CNTN5: variants seen among roughly 807,000 people sequenced by gnomAD.
The protein encoded by CNTN5 is contactin-5.
A neutral mutation model predicts 129.1 loss-of-function variants in CNTN5; 77 were observed. The observed-to-expected ratio is 0.60, with a 90% CI of 0.50 to 0.72. The LOEUF (loss-of-function observed/expected upper bound fraction) is 0.72. Among genes scored for constraint, CNTN5 ranks in the 30% least tolerant of loss-of-function variants. The pLI is 0.00. For missense variants in CNTN5, 1,478 were observed against 1,328.8 expected, an observed-to-expected ratio of 1.11 and a Z score of -1.75; for synonymous variants, 509 against 465.6, an observed-to-expected ratio of 1.09 and a Z score of -1.20.
Position 100,193,520 on chromosome 11 carries a change from A to G in CNTN5, c.1741A>G (p.Thr581Ala). The G allele has an allele frequency of 6.2e-7, 1 of 1,606,516 alleles. No individual in the cohort carries two copies. Among genetic ancestry groups the G allele is most frequent in the Non-Finnish European group, 8.5e-7 (1 of 1,176,066 alleles). The change falls in exon 15 of 25, where the codon ACA (threonine) becomes GCA (alanine). Residue 581 changes from threonine to alanine, a missense_variant. Physicochemically the swap from Thr to Ala is moderately conservative, Grantham distance 58 (BLOSUM62 0). Transcript: ENST00000524871. The stretch of plus-strand genomic sequence containing the variant: ...AAGGATAGAACTTACTCCTAAAAGA[A>G]CAGAATTGACAGTGGGAGAAAGCAT... ...PTRIELTPKR[T>A]ELTVGESIVL...
chr11:100,275,629 T>G (rs1950494470), intron 18 of CNTN5, among the ~76,000 whole-genome samples: 1 of 152,226 alleles, frequency 6.6e-6, no homozygotes, highest in Non-Finnish European at 1.5e-5. Flanking sequence ...ATTCAGATTG[T>G]GCATTTTAAA....
At chr11:100,035,383 G>C (rs1189322740) in intron 9 of CNTN5, among the ~76,000 whole-genome samples, 1 of 144,714 alleles carries the variant, frequency 6.9e-6, no homozygotes, top group African/African-American at 2.7e-5. Context: ...TTGGACATTT[G>C]GGTTGGTTCC....
chr11:99,480,277 A>G (rs1171067297), intron 2 of CNTN5, among the ~76,000 whole-genome samples: 1 of 152,126 alleles, frequency 6.6e-6, no homozygotes, highest in African/African-American at 2.4e-5. Flanking sequence ...GCTTCTTGAA[A>G]TGATAAACTT....
At chr11:99,276,678 AGTG>A (rs1863450467) in intron 1 of CNTN5, among the ~76,000 whole-genome samples, 1 of 151,552 alleles carries the variant, frequency 6.6e-6, no homozygotes, top group Non-Finnish European at 1.5e-5. Context: ...GAATTGTAGT[AGTG>A]GTAAAAAAAG....
rs372057505 is a variant in CNTN5, at chr11:99,817,596, GTTTT to G, written c.56-1927_56-1924del. Among the ~76,000 whole-genome samples the G allele has an allele frequency of 1.5e-3, 152 of 99,616 alleles. No homozygotes were observed. In the East Asian group the frequency reaches 0.016, roughly 10 times the overall value. The allele number at this position is 99,616 out of a possible 152,430, so 65.4% of individuals were successfully genotyped here. A position where few individuals can be genotyped will look rare whatever the true frequency, so the allele number is the denominator to read the frequency against. ...TAATTGTTAATACTAGTCTGGGATAGTTTTTTTTTTTTTTTTTTTTTTTTCCTTT... is the reference window on the plus strand; with the variant it reads ...TAATTGTTAATACTAGTCTGGGATAGTTTTTTTTTTTTTTTTTTTTCCTTT... On this transcript the variant is annotated intron_variant, in intron 3 of 24. Transcript: ENST00000524871.
chr11:99,450,320 T>G (rs1346668092), intron 2 of CNTN5, among the ~76,000 whole-genome samples: 18 of 151,228 alleles, frequency 1.2e-4, no homozygotes, highest in Admixed American at 1.2e-3. Flanking sequence ...ACACATATAT[T>G]GTGTATGTAC....
intron 13 of CNTN5, among the ~76,000 whole-genome samples, chr11:100,112,579 T>C (rs538262650): frequency 2.6e-5 from 4 of 152,118 alleles, no homozygotes; most frequent in Non-Finnish European, 5.9e-5. Context: ...AGGGTGCTTG[T>C]TACAGTTCAC....
intron 1 of CNTN5, among the ~76,000 whole-genome samples, chr11:99,188,854 T>G (rs545417106): frequency 3.0e-4 from 46 of 151,906 alleles, no homozygotes; most frequent in African/African-American, 1.1e-3. Flanking sequence ...TATTTCTACA[T>G]TCTTAGCAGT....
intron 3 of CNTN5, among the ~76,000 whole-genome samples, chr11:99,617,687 A>C (rs1190954958): frequency 6.6e-6 from 1 of 152,150 alleles, no homozygotes; most frequent in African/African-American, 2.4e-5. Context: ...AATTCTGTGC[A>C]TTATCCATTG....
intron 7 of CNTN5, among the ~76,000 whole-genome samples, chr11:99,941,873 G>A (rs995053816): frequency 6.6e-6 from 1 of 152,048 alleles, no homozygotes; most frequent in Non-Finnish European, 1.5e-5. Flanking sequence ...AATCATGTCA[G>A]TCCTAATAGA....
At chr11:99,608,621 C>G (rs1194454311) in intron 3 of CNTN5, among the ~76,000 whole-genome samples, 1 of 152,144 alleles carries the variant, frequency 6.6e-6, no homozygotes, top group African/African-American at 2.4e-5. Context: ...ACATAGTCAT[C>G]TACAAGCCAA....
intron 1 of CNTN5, among the ~76,000 whole-genome samples, chr11:99,088,909 G>A (rs902315881): frequency 6.6e-6 from 1 of 152,076 alleles, no homozygotes; most frequent in African/African-American, 2.4e-5. Flanking sequence ...GCTTATTTAT[G>A]TTATACACAA....
chr11:99,684,079 T>G (rs1227489717), intron 3 of CNTN5, among the ~76,000 whole-genome samples: 1 of 151,794 alleles, frequency 6.6e-6, no homozygotes, highest in Non-Finnish European at 1.5e-5. Flanking sequence ...TTTCCTCTAC[T>G]CAACATATTC....
intron 3 of CNTN5, among the ~76,000 whole-genome samples, chr11:99,760,907 A>G (rs1267076490): frequency 6.6e-6 from 1 of 152,142 alleles, no homozygotes; most frequent in Admixed American, 6.6e-5. Context: ...ATCACTGTAT[A>G]TAATTTTTTC....
At chr11:100,197,363 A>T (rs1489490443) in intron 15 of CNTN5, among the ~76,000 whole-genome samples, 2 of 151,988 alleles carry the variant, frequency 1.3e-5, no homozygotes, top group African/African-American at 2.4e-5. Context: ...TTTTAGGAAG[A>T]TAATTCTGAC....
At chr11:100,165,273 C>T (rs1947592105) in intron 13 of CNTN5, among the ~76,000 whole-genome samples, 1 of 151,682 alleles carries the variant, frequency 6.6e-6, no homozygotes, top group South Asian at 2.1e-4. Context: ...TCTTGGTGCC[C>T]CTCCTGCTTT....
chr11:99,537,027 A>G (rs1041402071), intron 2 of CNTN5, among the ~76,000 whole-genome samples: 1 of 152,158 alleles, frequency 6.6e-6, no homozygotes, highest in Non-Finnish European at 1.5e-5. Context: ...GAATATCTCA[A>G]TATGGACTAA....
chr11:99,030,842 G>A (rs1308287737), intron 1 of CNTN5, among the ~76,000 whole-genome samples: 1 of 148,600 alleles, frequency 6.7e-6, no homozygotes, highest in African/African-American at 2.5e-5. Context: ...GTGCAGTGGC[G>A]CGATCTCGGT....
At chr11:99,698,344 G>T (rs1305673378) in intron 3 of CNTN5, among the ~76,000 whole-genome samples, 1 of 150,976 alleles carries the variant, frequency 6.6e-6, no homozygotes, top group African/African-American at 2.4e-5. Flanking sequence ...AGCTATAAAG[G>T]GGAAATACTC....
Sources: allele counts gnomAD v4.1 joint callset (sites outside exome capture counted in the v4.1 genomes callset), GRCh38; gene constraint gnomAD v4.1.1; transcripts MANE v1.5; gene names NCBI Gene and HGNC (gene_info 2026-07-23, HGNC 2026-07-21).